The following AGBL1 variants were observed in gnomAD, a reference collection of about 807,000 sequenced individuals.
AGBL1 encodes AGBL carboxypeptidase 1.
In AGBL1, 130 loss-of-function variants were observed where a neutral mutation model predicts 118.9. That is an observed-to-expected ratio of 1.09 (90% CI 0.95 to 1.26). The LOEUF (loss-of-function observed/expected upper bound fraction) is 1.26, where lower values mean the gene tolerates loss of function less well. Among genes scored for constraint, AGBL1 ranks in the 50% most tolerant of loss-of-function variants. The pLI, the probability that AGBL1 is intolerant of heterozygous loss-of-function variation, is 0.00. For synonymous variants in AGBL1, 555 were observed against 478.9 expected (o/e 1.16, Z -2.08); for missense variants, 1,584 against 1,298.1 (o/e 1.22, Z -3.38).
At chr15:86,759,745 G>A (rs1178570705) in intron 22 of AGBL1, among the ~76,000 whole-genome samples, 1 of 152,050 alleles carries the variant, frequency 6.6e-6, no homozygotes, top group Non-Finnish European at 1.5e-5. Context: ...TTGTTTTAAG[G>A]AAAGAAAACA....
At chr15:86,662,221 G>A (rs1204304211) in intron 21 of AGBL1, among the ~76,000 whole-genome samples, 1 of 152,232 alleles carries the variant, frequency 6.6e-6, no homozygotes, top group East Asian at 1.9e-4. Flanking sequence ...TGCATATTCT[G>A]CTATGCCTCT....
exon 24 of AGBL1, chr15:86,988,062 G>A: frequency 6.2e-7 from 1 of 1,613,634 alleles, no homozygotes; most frequent in Non-Finnish European, 8.5e-7. Flanking sequence ...ACTTTTTCAA[G>A]ATGAACCTTC....
chr15:86,865,779 A>G (rs1024357504), intron 22 of AGBL1, among the ~76,000 whole-genome samples: 1 of 152,106 alleles, frequency 6.6e-6, no homozygotes, highest in Non-Finnish European at 1.5e-5. Context: ...AAGTAAATGG[A>G]GTCTATGTTT....
chr15:86,598,171 A>G (rs549856525), intron 21 of AGBL1, among the ~76,000 whole-genome samples: 1 of 152,274 alleles, frequency 6.6e-6, no homozygotes, highest in African/African-American at 2.4e-5. Flanking sequence ...GATTGTCACC[A>G]TAGTCAACTG....
At chr15:86,216,579 A>G (rs1157673413) in intron 5 of AGBL1, among the ~76,000 whole-genome samples, 1 of 152,206 alleles carries the variant, frequency 6.6e-6, no homozygotes, top group African/African-American at 2.4e-5. Flanking sequence ...TGAATTTCAG[A>G]TGTCAAACCA....
intron 5 of AGBL1, among the ~76,000 whole-genome samples, chr15:86,171,669 C>G (rs1004629745): frequency 1.3e-5 from 2 of 152,092 alleles, no homozygotes; most frequent in African/African-American, 4.8e-5. Flanking sequence ...CCTCTCCACT[C>G]AGATGTCAAT....
chr15:86,264,318 C>T lies in AGBL1; in HGVS notation c.1147C>T (p.His383Tyr). The T allele has an allele frequency of 1.9e-6, 3 of 1,611,152 alleles. No homozygotes were observed. The highest frequency in any genetic ancestry group is 1.7e-6 in the Non-Finnish European group (2 of 1,178,666). Residue 383 changes from histidine (H) to tyrosine (Y), a missense_variant, in exon 11 of 23, where the codon CAC becomes TAC. His to Tyr is a moderately conservative substitution (Grantham distance 83). Transcript: ENST00000614907. Reference sequence around the variant, plus strand: ...TGAAAAGACTCAGTATGCCAATCACCACCACATTCCAGCCGCTGCCTCCTC... The same window carrying T: ...TGAAAAGACTCAGTATGCCAATCACTACCACATTCCAGCCGCTGCCTCCTC... ...NSEKTQYANH[H>Y]HIPAAASSKQ...
intron 17 of AGBL1, among the ~76,000 whole-genome samples, chr15:86,302,200 C>T (rs959789932): frequency 6.6e-6 from 1 of 151,992 alleles, no homozygotes; most frequent in African/African-American, 2.4e-5. Context: ...GATTGTAAAA[C>T]CTTAAAGGTA....
At chr15:86,379,142 A>G (rs2081078600) in intron 17 of AGBL1, among the ~76,000 whole-genome samples, 1 of 151,740 alleles carries the variant, frequency 6.6e-6, no homozygotes, top group Non-Finnish European at 1.5e-5. Flanking sequence ...TGAACTCCTC[A>G]CTTCTGATGA....
intron 22 of AGBL1, among the ~76,000 whole-genome samples, chr15:86,846,753 A>G (rs568138913): frequency 6.6e-6 from 1 of 152,324 alleles, no homozygotes; most frequent in African/African-American, 2.4e-5. Flanking sequence ...GCTGGTCTCG[A>G]ACTCCTGACC....
intron 22 of AGBL1, among the ~76,000 whole-genome samples, chr15:86,702,523 C>T (rs1187760195): frequency 2.6e-5 from 4 of 152,046 alleles, no homozygotes; most frequent in Non-Finnish European, 5.9e-5. Flanking sequence ...ATACTTGACT[C>T]CTCCTTTCCC....
rs113471349 is a variant in AGBL1, at chr15:86,439,246, C to T, written c.2555+41700C>T. ...CAAAAAATTAAGTGTGTGTTATCTG[C>T]CAATATTTAAACGTTGAAACTAATT... On this transcript the variant is annotated intron_variant, in intron 18 of 22. Coordinates refer to ENST00000614907, the MANE Select transcript of AGBL1 (RefSeq NM_001386094.1). Among the ~76,000 whole-genome samples the T allele has an allele frequency of 1.7e-3, 255 of 152,188 alleles. 2 individuals are homozygous for T. Among genetic ancestry groups the T allele is most frequent in the African/African-American group, 6.0e-3 (249 of 41,544 alleles).
At chr15:86,274,349 A>C (rs2079210579) in intron 15 of AGBL1, among the ~76,000 whole-genome samples, 1 of 152,134 alleles carries the variant, frequency 6.6e-6, no homozygotes, top group African/African-American at 2.4e-5. Flanking sequence ...GAAAGACCTA[A>C]TATTAAGGGT....
At chr15:86,729,933 T>A (rs1029160982) in intron 22 of AGBL1, among the ~76,000 whole-genome samples, 3 of 152,176 alleles carry the variant, frequency 2.0e-5, no homozygotes, top group Non-Finnish European at 2.9e-5. Context: ...CAGCAACATC[T>A]GTTATTTTTT....
intron 21 of AGBL1, among the ~76,000 whole-genome samples, chr15:86,621,378 G>C (rs1472764899): frequency 6.6e-6 from 1 of 152,174 alleles, no homozygotes; most frequent in East Asian, 1.9e-4. Context: ...AAACAGGATG[G>C]CTTGAAAGAA....
intron 24 of AGBL1, among the ~76,000 whole-genome samples, chr15:87,020,252 A>C (rs2081651221): frequency 6.6e-6 from 1 of 152,142 alleles, no homozygotes; most frequent in Non-Finnish European, 1.5e-5. Context: ...GACAAAAATC[A>C]CATGATTGTC....
chr15:86,530,089 A>C (rs1201037892), intron 19 of AGBL1, among the ~76,000 whole-genome samples: 6 of 134,734 alleles, frequency 4.5e-5, no homozygotes, highest in Non-Finnish European at 7.4e-5. Context: ...TAATGACAGG[A>C]TCAAATTCAC....
intron 21 of AGBL1, among the ~76,000 whole-genome samples, chr15:86,658,889 A>G (rs1327101711): frequency 6.6e-6 from 1 of 152,202 alleles, no homozygotes; most frequent in Non-Finnish European, 1.5e-5. Context: ...ATGTTAGAAC[A>G]TTCTGGAGGA....
intron 15 of AGBL1, among the ~76,000 whole-genome samples, chr15:86,276,242 T>C (rs2079249078): frequency 6.6e-6 from 1 of 152,250 alleles, no homozygotes; most frequent in Admixed American, 6.5e-5. Flanking sequence ...ACTTGCTACC[T>C]TGGGCATAAG....
Sources: gnomAD v4.1 joint callset for allele counts (sites outside exome capture counted in the v4.1 genomes callset) on GRCh38, gnomAD v4.1.1 for gene constraint, MANE v1.5 for transcripts, NCBI Gene and HGNC (gene_info 2026-07-23, HGNC 2026-07-21) for gene names.